Variants in ACSM2B observed in about 807,000 individuals in gnomAD.
ACSM2B encodes acyl-CoA synthetase medium chain family member 2B, also known as acyl-coenzyme A synthetase ACSM2B, mitochondrial.
ACSM2B carries 58 observed loss-of-function variants against 78.6 expected under a neutral mutation model. The observed-to-expected ratio is 0.74, with a 90% CI of 0.60 to 0.92. ACSM2B has a LOEUF of 0.92. Ranked by LOEUF, ACSM2B falls within the 40% of genes least tolerant of loss-of-function variation. The pLI is 0.00. For synonymous variants in ACSM2B, 257 were observed against 256.8 expected (o/e 1.00, Z -0.01); for missense variants, 688 against 711.2 (o/e 0.97, Z 0.37).
At chr16:20,539,709 C>A (rs1018552620) in intron 13 of ACSM2B, among the ~76,000 whole-genome samples, 1 of 150,652 alleles carries the variant, frequency 6.6e-6, no homozygotes, top group African/African-American at 2.4e-5. Flanking sequence ...ACACATGGCC[C>A]AAGTTGGTCC....
chr16:20,554,285 T>C, intron 4 of ACSM2B: 1 of 407,860 alleles, frequency 2.5e-6, no homozygotes, highest in Admixed American at 3.6e-5. Context: ...CTAATCTAAT[T>C]GTTGTGAAGA....
chr16:20,566,195 C>T (rs1361894237), intron 1 of ACSM2B, among the ~76,000 whole-genome samples: 2 of 132,510 alleles, frequency 1.5e-5, no homozygotes, highest in African/African-American at 5.6e-5. Flanking sequence ...TGCCTTTCTT[C>T]CTTCCAAGCT....
Position 20,542,958 on chromosome 16 carries a change from C to T in ACSM2B, c.1465G>A (p.Val489Ile), listed in dbSNP as rs1468830730. Residue 489 changes from valine to isoleucine, a missense_variant, in exon 12 of 14, where the codon GTT becomes ATT. Val to Ile is a conservative substitution (Grantham distance 29). Coordinates refer to ENST00000329697, the MANE Select transcript of ACSM2B (RefSeq NM_001105069.2). ...ENALMKHPAV[V>I]ETAVISSPDP... Reference sequence around the variant, plus strand: ...GGGCTGCTGATCACAGCCGTCTCAACCACAGCAGGGTGCTTCATCAGTGCA... The same window carrying T: ...GGGCTGCTGATCACAGCCGTCTCAATCACAGCAGGGTGCTTCATCAGTGCA... The T allele has an allele frequency of 6.2e-7, 1 of 1,613,600 alleles. No homozygotes were observed. The highest frequency in any genetic ancestry group is 8.5e-7 in the Non-Finnish European group (1 of 1,179,870).
At chr16:20,572,695 A>G (rs887361856) in intron 1 of ACSM2B, among the ~76,000 whole-genome samples, 2 of 151,416 alleles carry the variant, frequency 1.3e-5, no homozygotes, top group Non-Finnish European at 2.9e-5. Context: ...TGTCTCTTCT[A>G]TCTCAAGGAT....
chr16:20,540,687 C>T lies in ACSM2B; in HGVS notation c.1596G>A (p.Lys532=). 9 of 1,614,138 alleles carry T rather than the reference C, an allele frequency of 5.6e-6. No individual in the cohort carries two copies. The highest frequency in any genetic ancestry group is 3.4e-6 in the Non-Finnish European group (4 of 1,180,006). The part of the protein sequence containing the change: ...QLTKELQQHV[K]SVTAPYKYPR... The stretch of plus-strand genomic sequence containing the variant: ...GGTACTTGTATGGGGCTGTCACTGA[C>T]TTCACATGCTGCTGCAGCTCCTTGG... Residue 532 remains lysine, a synonymous_variant, in exon 13 of 14, where the codon AAG becomes AAA. Coordinates refer to ENST00000329697, the MANE Select transcript of ACSM2B (RefSeq NM_001105069.2).
At chr16:20,566,689 C>CTATATATACTATATATACTATA (rs1567218300) in intron 1 of ACSM2B, among the ~76,000 whole-genome samples, 1 of 4,210 alleles carries the variant, frequency 2.4e-4, no homozygotes, top group Non-Finnish European at 4.8e-4. Context: ...ATAGTATATA[C>CTATATATACTATATATACTATA]TATATATAGT....
chr16:20,541,461 C>T (rs2014986374), intron 12 of ACSM2B: 1 of 152,058 alleles, frequency 6.6e-6, no homozygotes, highest in South Asian at 2.1e-4. Flanking sequence ...TTCTTTTTCC[C>T]TTTATTTTCA....
At chr16:20,567,223 C>T (rs2015926584) in intron 1 of ACSM2B, among the ~76,000 whole-genome samples, 2 of 124,594 alleles carry the variant, frequency 1.6e-5, no homozygotes, top group African/African-American at 3.1e-5. Flanking sequence ...ATACTATATA[C>T]TATATATAAT....
intron 1 of ACSM2B, among the ~76,000 whole-genome samples, chr16:20,566,645 C>CTATATATACTATA (rs375962180): frequency 0.021 from 244 of 11,582 alleles, 48 homozygotes; most frequent in African/African-American, 0.074. Context: ...TATATATATA[C>CTATATATACTATA]TATACTATAT....
At chr16:20,548,810 A>T (rs1249465935) in intron 6 of ACSM2B, among the ~76,000 whole-genome samples, 1 of 152,172 alleles carries the variant, frequency 6.6e-6, no homozygotes, top group Non-Finnish European at 1.5e-5. Flanking sequence ...AACCAAGGGA[A>T]GATCAGCTGC....
chr16:20,554,281 T>G (rs1435304309), intron 4 of ACSM2B: 1 of 414,942 alleles, frequency 2.4e-6, no homozygotes, highest in African/African-American at 2.1e-5. Context: ...AATGCTAATC[T>G]AATTGTTGTG....
intron 10 of ACSM2B, chr16:20,544,822 C>T: frequency 9.9e-7 from 1 of 1,011,768 alleles, no homozygotes; most frequent in Non-Finnish European, 1.2e-6. Context: ...GGGGATGATA[C>T]CTAGGGGAGA....
rs142129009 is a variant in ACSM2B, at chr16:20,554,485, G to T, written c.597-565C>A. Among the ~76,000 whole-genome samples, 1,118 of 152,286 alleles carry T rather than the reference G, an allele frequency of 7.3e-3. 8 individuals are homozygous for T. Among genetic ancestry groups the T allele is most frequent in the Middle Eastern group, 0.02 (6 of 294 alleles). ...CCATGACAGCTACCTTAAAGACCAT[G>T]GCATTAGGAAGGAAAAGCTGAAGTT... On this transcript the variant is annotated intron_variant, in intron 4 of 13. Transcript: ENST00000329697.
intron 12 of ACSM2B, 198 bp from the exon 13 acceptor site, chr16:20,540,971 G>T: frequency 3.0e-6 from 2 of 667,368 alleles, no homozygotes; most frequent in Non-Finnish European, 4.5e-6. Flanking sequence ...TATTGGAGGA[G>T]CAGGTGGACA....
At chr16:20,569,618 T>C (rs897458526) in intron 1 of ACSM2B, among the ~76,000 whole-genome samples, 1 of 151,714 alleles carries the variant, frequency 6.6e-6, no homozygotes. Flanking sequence ...AGAATGATGG[T>C]GGTATTTTGA....
chr16:20,556,069 A>C (rs1443981498), intron 3 of ACSM2B, among the ~76,000 whole-genome samples: 3 of 137,862 alleles, frequency 2.2e-5, no homozygotes, highest in African/African-American at 6.2e-5. Flanking sequence ...TCACATATCC[A>C]TCACCTCAAG....
intron 6 of ACSM2B, among the ~76,000 whole-genome samples, chr16:20,549,204 C>A (rs1453171381): frequency 6.6e-6 from 1 of 152,162 alleles, no homozygotes; most frequent in East Asian, 1.9e-4. Flanking sequence ...CCATCCCATG[C>A]TTTTCTTTAT....
At chr16:20,565,892 C>G (rs1416606981) in intron 1 of ACSM2B, among the ~76,000 whole-genome samples, 1 of 151,754 alleles carries the variant, frequency 6.6e-6, no homozygotes, top group Non-Finnish European at 1.5e-5. Context: ...AACTTAGCTC[C>G]CACTTATGGC....
chr16:20,557,976 A>G (rs945272861), intron 3 of ACSM2B, among the ~76,000 whole-genome samples: 18 of 152,302 alleles, frequency 1.2e-4, no homozygotes, highest in Middle Eastern at 3.4e-3. Context: ...AACAAAAATG[A>G]TAATAGCTCC....
Sources: allele counts gnomAD v4.1 joint callset (sites outside exome capture counted in the v4.1 genomes callset), GRCh38; gene constraint gnomAD v4.1.1; transcripts MANE v1.5; gene names NCBI Gene and HGNC (gene_info 2026-07-23, HGNC 2026-07-21).